ZNF486: variants seen among roughly 807,000 people sequenced by gnomAD.
ZNF486 encodes zinc finger protein 486, also known as KRAB box only protein 2.
ZNF486 carries 12 observed loss-of-function variants against 12.8 expected under a neutral mutation model. The observed-to-expected ratio is 0.94, with a 90% CI of 0.60 to 1.52. ZNF486 has a LOEUF of 1.52. Ranked by LOEUF, ZNF486 falls within the 40% of genes most tolerant of loss-of-function variation. ZNF486 has a pLI of 0.00. For missense variants in ZNF486, 738 were observed against 545.0 expected (o/e 1.35, Z -3.53); for synonymous variants, 231 against 184.9 (o/e 1.25, Z -2.02).
rs1265389732 is a variant in ZNF486 at position 20,200,108 on chromosome 19, A to C, written c.*2006A>C. 6.6e-6 allele frequency: 1 copy of C among 151,938 alleles called. No homozygotes were observed. The highest frequency in any genetic ancestry group is 2.4e-5 in the African/African-American group (1 of 41,320). The allele number at this position is 151,938 out of a possible 1,614,324, so 9.4% of individuals were successfully genotyped here. A position where few individuals can be genotyped will look rare whatever the true frequency, so the allele number is the denominator to read the frequency against. On this transcript the variant is annotated 3_prime_UTR_variant, in exon 4 of 4. Coordinates refer to ENST00000335117, the MANE Select transcript of ZNF486 (RefSeq NM_052852.4). ...AAAGTGTATTTGTTTCCTTAAAAAA[A>C]TTTTTCTGAAAAGTGGGTAATGACA... is the stretch of plus-strand genomic sequence containing the variant.
intron 3 of ZNF486, among the ~76,000 whole-genome samples, chr19:20,190,333 T>G (rs137943539): frequency 3.9e-5 from 6 of 152,344 alleles, no homozygotes; most frequent in African/African-American, 1.2e-4. Flanking sequence ...TAATTCCTAG[T>G]GTCATTCAGT....
intron 3 of ZNF486, 73 bp from the exon 4 acceptor site, chr19:20,196,891 A>G: frequency 6.8e-7 from 1 of 1,464,812 alleles, no homozygotes; most frequent in Non-Finnish European, 9.1e-7. Context: ...GTATAATTTT[A>G]TAGGTTAGAT....
chr19:20,197,728 CATG>C lies in ZNF486; in HGVS notation c.1020_1022del (p.His340_Glu341delinsGln), dbSNP rs782228738. On this transcript the variant is annotated inframe_deletion, in exon 4 of 4. Transcript: ENST00000335117. ...TATTTCATCCTCGATCCTTAGTAAACATGAGAAGATTCATACGGGAGAGAAACC... is the reference window on the plus strand; with the variant it reads ...TATTTCATCCTCGATCCTTAGTAAACAGAAGATTCATACGGGAGAGAAACC... 1.4e-5 allele frequency: 23 copies of C among 1,613,788 alleles called. No individual in the cohort carries two copies. The African/African-American group carries it at 3.1e-4, about 22-fold the overall frequency.
intron 1 of ZNF486, among the ~76,000 whole-genome samples, chr19:20,178,533 C>G (rs979818142): frequency 1.3e-5 from 2 of 152,106 alleles, no homozygotes; most frequent in African/African-American, 4.8e-5. Flanking sequence ...TGAGCCACCG[C>G]GCCTGGCCAA....
At chr19:20,168,701 A>G (rs188495183) in intron 1 of ZNF486, among the ~76,000 whole-genome samples, 1 of 152,298 alleles carries the variant, frequency 6.6e-6, no homozygotes, top group Admixed American at 6.5e-5. Flanking sequence ...CCTTTATGTA[A>G]ACACTGTTTG....
intron 1 of ZNF486, chr19:20,175,350 T>TTTTTTTTTTTTA (rs1296618035): frequency 7.0e-6 from 1 of 142,172 alleles, no homozygotes; most frequent in East Asian, 2.1e-4. Context: ...TTTTTTTTTT[T>TTTTTTTTTTTTA]ATTGATCATT....
At position 20,200,285 on chromosome 19, in the gene ZNF486, T is replaced by C. The variant is rs1028531339; in HGVS notation, c.*2183T>C. Reference sequence around the variant, plus strand: ...GACCTTTTCTATAAAAGTAAGGACATTAAAATGTAAGATGCATGATGAAAA... The same window carrying C: ...GACCTTTTCTATAAAAGTAAGGACACTAAAATGTAAGATGCATGATGAAAA... On this transcript the variant is annotated 3_prime_UTR_variant, in exon 4 of 4. Coordinates refer to ENST00000335117, the MANE Select transcript of ZNF486 (RefSeq NM_052852.4). 6 of 152,106 alleles carry C rather than the reference T, an allele frequency of 3.9e-5. No individual in the cohort carries two copies. Among genetic ancestry groups the C allele is most frequent in the South Asian group, 2.1e-4 (1 of 4,822 alleles). 9.4% of individuals were successfully genotyped at this position (152,106 alleles called of 1,614,324 possible). A position where few individuals can be genotyped will look rare whatever the true frequency, so the allele number is the denominator to read the frequency against.
rs782042728 is a variant in ZNF486, at chr19:20,198,117, A to T, written c.*15A>T. The T allele has an allele frequency of 6.6e-7, 1 of 1,520,274 alleles. No individual in the cohort carries two copies. Among genetic ancestry groups the T allele is most frequent in the Non-Finnish European group, 8.8e-7 (1 of 1,134,958 alleles). 94.2% of individuals were successfully genotyped at this position (1,520,274 alleles called of 1,614,324 possible). A position where few individuals can be genotyped will look rare whatever the true frequency, so the allele number is the denominator to read the frequency against. ...CAAGAACGTGACAAAGGATTATTTT[A>T]TTATTATTATTTTTTTGAGAGGTAA... On this transcript the variant is annotated 3_prime_UTR_variant, in exon 4 of 4. Transcript: ENST00000335117.
At chr19:20,181,478 G>A (rs532446509) in intron 1 of ZNF486, among the ~76,000 whole-genome samples, 4 of 151,396 alleles carry the variant, frequency 2.6e-5, no homozygotes, top group Non-Finnish European at 4.4e-5. Flanking sequence ...GGCGGAGCTT[G>A]CAGTGAGCCC....
Position 20,171,362 on chromosome 19 carries a change from C to T in ZNF486, c.30+4002C>T, listed in dbSNP as rs562135025. On this transcript the variant is annotated intron_variant, in intron 1 of 3. Transcript: ENST00000335117. ...ATTGCAGCTATCACCACGGTGTTCC[C>T]ACCCACTCACAAACACACACACTAG... 3.9e-5 allele frequency among the ~76,000 whole-genome samples: 6 copies of T among 152,318 alleles called. No individual in the cohort carries two copies. In the South Asian group the frequency reaches 1.0e-3, roughly 26 times the overall value.
At chr19:20,190,237 AT>A (rs1555717009) in intron 3 of ZNF486, among the ~76,000 whole-genome samples, 1 of 152,212 alleles carries the variant, frequency 6.6e-6, no homozygotes, top group African/African-American at 2.4e-5. Context: ...GAAGAATAAA[AT>A]TTTTTGACCC....
intron 3 of ZNF486, among the ~76,000 whole-genome samples, chr19:20,194,481 C>A (rs138048166): frequency 5.3e-5 from 8 of 152,188 alleles, no homozygotes; most frequent in Admixed American, 1.3e-4. Flanking sequence ...AATCCCAGCA[C>A]TTTGGGAGAC....
intron 1 of ZNF486, among the ~76,000 whole-genome samples, chr19:20,178,312 C>T (rs1393117759): frequency 8.6e-5 from 13 of 151,896 alleles, no homozygotes; most frequent in East Asian, 1.9e-4. Context: ...GGTGCCTTCT[C>T]GGCTCACTGC....
chr19:20,175,180 G>C (rs1555714473), intron 1 of ZNF486: 1 of 152,166 alleles, frequency 6.6e-6, no homozygotes, highest in Non-Finnish European at 1.5e-5. Context: ...GAGAGTAGCT[G>C]TGCGCTTTGG....
At chr19:20,172,887 C>T (rs962348260) in intron 1 of ZNF486, among the ~76,000 whole-genome samples, 8 of 150,882 alleles carry the variant, frequency 5.3e-5, no homozygotes, top group Admixed American at 1.3e-4. Context: ...GTGATACACC[C>T]GCCTTGGCCT....
At chr19:20,171,175 C>T (rs2089643774) in intron 1 of ZNF486, among the ~76,000 whole-genome samples, 1 of 152,190 alleles carries the variant, frequency 6.6e-6, no homozygotes, top group Non-Finnish European at 1.5e-5. Context: ...ATCACAGAGG[C>T]CTGGCCTGGA....
intron 3 of ZNF486, chr19:20,188,625 TGACA>T: frequency 2.5e-6 from 1 of 396,064 alleles, no homozygotes; most frequent in Non-Finnish European, 4.4e-6. Context: ...CCAGCTTGAA[TGACA>T]GAGTGAGACC....
chr19:20,186,241 C>G (rs545775407), intron 3 of ZNF486, among the ~76,000 whole-genome samples, 159 bp downstream of exon 3: 1 of 149,636 alleles, frequency 6.7e-6, no homozygotes, highest in South Asian at 2.1e-4. Context: ...TTTAATTTTT[C>G]TCTCACAAAG....
rs1323640394 is a variant in ZNF486 at position 20,184,451 on chromosome 19, G to A, written c.126G>A (p.Met42Ile). 1.9e-6 allele frequency: 3 copies of A among 1,613,092 alleles called. No homozygotes were observed. Among genetic ancestry groups the A allele is most frequent in the Non-Finnish European group, 2.5e-6 (3 of 1,179,560 alleles). ...TAQQNLYRDV[M>I]LENYRHLVFL... The stretch of plus-strand genomic sequence containing the variant: ...AGCAGAATTTATATAGGGATGTGAT[G>A]TTAGAGAACTACAGACACCTGGTCT... The change falls in exon 2 of 4, where the codon ATG becomes ATA. Residue 42 changes from methionine (M) to isoleucine (I), a missense_variant. Physicochemically the swap from Met to Ile is conservative, Grantham distance 10. Transcript: ENST00000335117.
Sources: allele counts gnomAD v4.1 joint callset (sites outside exome capture counted in the v4.1 genomes callset), GRCh38; gene constraint gnomAD v4.1.1; transcripts MANE v1.5; gene names NCBI Gene and HGNC (gene_info 2026-07-23, HGNC 2026-07-21).